SEM1: variants seen among roughly 807,000 people sequenced by gnomAD.
The protein encoded by SEM1 is 26S proteasome complex subunit SEM1.
In SEM1, 3 loss-of-function variants were observed where a neutral mutation model predicts 12.7. That is an observed-to-expected ratio of 0.24 (90% confidence interval 0.11 to 0.61). The LOEUF is 0.61. Among genes scored for constraint, SEM1 ranks in the 20% least tolerant of loss-of-function variants. SEM1 has a pLI of 0.88. For synonymous variants in SEM1, 30 were observed against 27.8 expected, an observed-to-expected ratio of 1.08 and a Z score of -0.25; for missense variants, 59 against 81.3, an observed-to-expected ratio of 0.73 and a Z score of 1.06.
intron 2 of SEM1, among the ~76,000 whole-genome samples, chr7:96,682,587 C>A (rs757510343): frequency 6.6e-6 from 1 of 151,752 alleles, no homozygotes; most frequent in Non-Finnish European, 1.5e-5. Flanking sequence ...AAAACCTAGG[C>A]GATAACATTC....
chr7:96,628,908 A>G (rs1192739010), intron 2 of SEM1, among the ~76,000 whole-genome samples: 1 of 152,186 alleles, frequency 6.6e-6, no homozygotes, highest in Non-Finnish European at 1.5e-5. Flanking sequence ...TATTTTCACC[A>G]GATACACTAA....
At chr7:96,659,378 T>C (rs373123369) in intron 2 of SEM1, among the ~76,000 whole-genome samples, 17 of 152,174 alleles carry the variant, frequency 1.1e-4, no homozygotes, top group African/African-American at 4.1e-4. Context: ...CAACTTATAC[T>C]CTCAGCATAA....
intron 2 of SEM1, chr7:96,650,548 A>G: frequency 1.4e-6 from 1 of 740,592 alleles, no homozygotes; most frequent in Non-Finnish European, 2.5e-6. Flanking sequence ...GAAAGATAAG[A>G]AATTCTGAAG....
At position 96,516,616 on chromosome 7, in the gene SEM1, T is replaced by A. The variant is rs555556124; in HGVS notation, c.171-9918A>T. 2.6e-5 allele frequency among the ~76,000 whole-genome samples: 4 copies of A among 152,244 alleles called. No homozygotes were observed. In the East Asian group the frequency reaches 5.8e-4, roughly 22 times the overall value. On this transcript the variant is annotated intron_variant and NMD_transcript_variant, in intron 2 of 3. Transcript: ENST00000466986. ...GGTGAGAGTGTGGAGAACCAGGAAC[T>A]CTCATTCATTGATGGTGGAAATATA... is the stretch of plus-strand genomic sequence containing the variant.
exon 4 of SEM1, chr7:96,483,641 A>G: frequency 1.8e-6 from 1 of 550,230 alleles, no homozygotes; most frequent in Non-Finnish European, 3.3e-6. Flanking sequence ...ACAGAGGGAA[A>G]GAGCACTAGA....
intron 2 of SEM1, among the ~76,000 whole-genome samples, chr7:96,689,962 C>T (rs555734410): frequency 6.6e-6 from 1 of 152,140 alleles, no homozygotes; most frequent in South Asian, 2.1e-4. Context: ...CAACTTATCT[C>T]CATTGTTTTG....
At chr7:96,542,441 T>C (rs1048647951) in intron 2 of SEM1, among the ~76,000 whole-genome samples, 2 of 151,884 alleles carry the variant, frequency 1.3e-5, no homozygotes, top group African/African-American at 2.4e-5. Context: ...CTTTTGTACA[T>C]TGATTTTATA....
At chr7:96,525,526 A>T (rs1327962464) in intron 2 of SEM1, among the ~76,000 whole-genome samples, 1 of 152,150 alleles carries the variant, frequency 6.6e-6, no homozygotes, top group African/African-American at 2.4e-5. Flanking sequence ...CTGAATGTTC[A>T]ACTCAGATTT....
intron 2 of SEM1, among the ~76,000 whole-genome samples, chr7:96,677,429 T>C (rs988150263): frequency 1.3e-5 from 2 of 152,180 alleles, no homozygotes; most frequent in Admixed American, 1.3e-4. Flanking sequence ...GCAGTTTGTG[T>C]TGTCACATAT....
At chr7:96,648,785 GT>G (rs773427955) in intron 2 of SEM1, among the ~76,000 whole-genome samples, 2 of 152,014 alleles carry the variant, frequency 1.3e-5, no homozygotes, top group Non-Finnish European at 2.9e-5. Flanking sequence ...TTGCAAGTCA[GT>G]TTTTTTTGCA....
chr7:96,708,874 A>C (rs763838907), intron 1 of SEM1, among the ~76,000 whole-genome samples: 3 of 152,238 alleles, frequency 2.0e-5, no homozygotes, highest in African/African-American at 4.8e-5. Context: ...TGAAAACAAC[A>C]GCCACTCAAT....
In SEM1 at chr7:96,688,942, A is replaced by G. The variant is rs747604756; in HGVS notation, c.195T>C (p.Tyr65=). The G allele has an allele frequency of 1.3e-5, 20 of 1,596,944 alleles. No individual in the cohort carries two copies. Among genetic ancestry groups the G allele is most frequent in the Non-Finnish European group, 1.6e-5 (19 of 1,165,680 alleles). ...CTGGATGCTATGAAGTCTCCATCTT[A>G]TAACCATGTTTCTCTAGTTCAGCTC... is the stretch of plus-strand genomic sequence containing the variant. ...QLRAELEKHG[Y]KMETS Residue 65 remains tyrosine (Y), a synonymous_variant, in exon 3 of 3, where the codon TAT becomes TAC. Coordinates refer to ENST00000248566, the MANE Select transcript of SEM1 (RefSeq NM_006304.2).
chr7:96,683,201 A>T (rs1254369215), intron 2 of SEM1, among the ~76,000 whole-genome samples: 1 of 151,168 alleles, frequency 6.6e-6, no homozygotes, highest in Non-Finnish European at 1.5e-5. Flanking sequence ...TAGAACTAGA[A>T]ATACTAGAAA....
In SEM1 at chr7:96,527,074, A is replaced by C. The variant is rs147466922; in HGVS notation, c.171-20376T>G. On this transcript the variant is annotated intron_variant and NMD_transcript_variant, in intron 2 of 3. Coordinates refer to the SEM1 transcript ENST00000466986. The stretch of plus-strand genomic sequence containing the variant: ...AAACGTATTTCCTCGTATGTGCACC[A>C]AGAAAGTTAACTCAGGTTGGTACAT... Among the ~76,000 whole-genome samples the C allele has an allele frequency of 4.8e-4, 73 of 152,242 alleles. No individual in the cohort carries two copies. In the East Asian group the frequency reaches 9.3e-3, roughly 19 times the overall value.
chr7:96,681,667 T>A (rs1278265687), intron 2 of SEM1, among the ~76,000 whole-genome samples: 1 of 152,168 alleles, frequency 6.6e-6, no homozygotes, highest in Non-Finnish European at 1.5e-5. Flanking sequence ...CTTGTTTTTG[T>A]CAGGCTTGTC....
chr7:96,512,703 A>G (rs144468731), intron 2 of SEM1, among the ~76,000 whole-genome samples: 3 of 152,156 alleles, frequency 2.0e-5, no homozygotes, highest in South Asian at 2.1e-4. Context: ...TATTGATACA[A>G]AGCCATGTGT....
At chr7:96,500,446 G>A (rs577340158), upstream of SEM1, among the ~76,000 whole-genome samples, 5 of 152,024 alleles carry the variant, frequency 3.3e-5, no homozygotes, top group Non-Finnish European at 5.9e-5. Flanking sequence ...AAATAATCAA[G>A]TCTATATGAA....
chr7:96,491,897 T>C (rs1057256552), intron 1 of SEM1, among the ~76,000 whole-genome samples: 4 of 152,166 alleles, frequency 2.6e-5, no homozygotes, highest in Admixed American at 2.6e-4. Flanking sequence ...TTTCTTTTAG[T>C]TCTCATCATT....
At chr7:96,488,634 T>C (rs1202602938) in intron 1 of SEM1, among the ~76,000 whole-genome samples, 1 of 152,066 alleles carries the variant, frequency 6.6e-6, no homozygotes, top group Non-Finnish European at 1.5e-5. Context: ...TAAATTGGAT[T>C]CTCAAACCAT....
Sources: gnomAD v4.1 joint callset for allele counts (sites outside exome capture counted in the v4.1 genomes callset) on GRCh38, gnomAD v4.1.1 for gene constraint, MANE v1.5 for transcripts, NCBI Gene and HGNC (gene_info 2026-07-23, HGNC 2026-07-21) for gene names.